Variants in PANK1 observed in about 807,000 individuals in gnomAD.
The protein encoded by PANK1 is pantothenic acid kinase 1.
In PANK1, 18 loss-of-function variants were observed where a neutral mutation model predicts 40.1. The observed-to-expected ratio is 0.45, with a 90% CI of 0.31 to 0.67. The LOEUF is 0.67. PANK1 is among the 30% of genes least tolerant of loss of function. PANK1 has a pLI of 0.06. For synonymous variants in PANK1, 242 were observed against 237.7 expected, an observed-to-expected ratio of 1.02 and a Z score of -0.17; for missense variants, 457 against 599.6, an observed-to-expected ratio of 0.76 and a Z score of 2.48.
At chr10:89,623,058 A>G (rs533745528) in intron 1 of PANK1, among the ~76,000 whole-genome samples, 10 of 152,170 alleles carry the variant, frequency 6.6e-5, no homozygotes, top group Non-Finnish European at 1.3e-4. Context: ...ATTAAATGGT[A>G]CATTTCAGGC....
At chr10:89,615,805 A>G (rs1845299202) in intron 1 of PANK1, among the ~76,000 whole-genome samples, 2 of 152,218 alleles carry the variant, frequency 1.3e-5, no homozygotes, top group Admixed American at 1.3e-4. Context: ...TTAAATGTAC[A>G]ATTTTATTCA....
At chr10:89,606,164 C>T (rs1292333467) in intron 2 of PANK1, among the ~76,000 whole-genome samples, 1 of 152,130 alleles carries the variant, frequency 6.6e-6, no homozygotes, top group African/African-American at 2.4e-5. Context: ...TTCTTAAGGG[C>T]CACACGATTT....
At chr10:89,606,731 C>T (rs1295076490) in intron 2 of PANK1, among the ~76,000 whole-genome samples, 1 of 152,122 alleles carries the variant, frequency 6.6e-6, no homozygotes, top group Non-Finnish European at 1.5e-5. Context: ...ACCATGTTGC[C>T]CAGGTGGGTC....
intron 1 of PANK1, among the ~76,000 whole-genome samples, chr10:89,629,290 T>C (rs752230845): frequency 7.9e-5 from 12 of 152,200 alleles, no homozygotes; most frequent in Non-Finnish European, 1.3e-4. Context: ...CCTGAGGTTA[T>C]AGGCATTGTA....
At chr10:89,637,463 C>CA (rs2133031877) in intron 1 of PANK1, among the ~76,000 whole-genome samples, 1 of 152,310 alleles carries the variant, frequency 6.6e-6, no homozygotes, top group South Asian at 2.1e-4. Flanking sequence ...TAAACCTGTA[C>CA]AGCATGTTAC....
chr10:89,643,961 C>A (rs913199017), intron 1 of PANK1: 1 of 954,268 alleles, frequency 1.0e-6, no homozygotes, highest in Non-Finnish European at 1.4e-6. Context: ...AAAAAATCCA[C>A]CTCCAATCCT....
chr10:89,618,936 GTTAT>G (rs1845399339), intron 1 of PANK1, among the ~76,000 whole-genome samples: 2 of 152,180 alleles, frequency 1.3e-5, no homozygotes, highest in Admixed American at 6.5e-5. Flanking sequence ...AGATTTGAGG[GTTAT>G]TTGTTACTAC....
intron 1 of PANK1, among the ~76,000 whole-genome samples, chr10:89,613,131 G>A (rs1845211895): frequency 6.6e-6 from 1 of 152,188 alleles, no homozygotes; most frequent in Admixed American, 6.5e-5. Flanking sequence ...AGACAGCCTG[G>A]AAAGTTAATG....
At chr10:89,594,746 G>T (rs896268455) in intron 3 of PANK1, among the ~76,000 whole-genome samples, 1 of 152,194 alleles carries the variant, frequency 6.6e-6, no homozygotes, top group African/African-American at 2.4e-5. Flanking sequence ...TAGAGGGAAA[G>T]TTCCTCTAAA....
chr10:89,592,249 T>C (rs1844416533), intron 5 of PANK1, among the ~76,000 whole-genome samples: 1 of 152,172 alleles, frequency 6.6e-6, no homozygotes, highest in African/African-American at 2.4e-5. Context: ...ATGTTTTTTG[T>C]CAACCCAGAA....
intron 2 of PANK1, among the ~76,000 whole-genome samples, chr10:89,604,287 T>G (rs1473937191): frequency 6.6e-6 from 1 of 152,126 alleles, no homozygotes; most frequent in East Asian, 1.9e-4. Context: ...CTCACAAGTG[T>G]CTACATGCAT....
intron 1 of PANK1, among the ~76,000 whole-genome samples, chr10:89,642,608 C>T (rs1842000033): frequency 6.6e-6 from 1 of 152,136 alleles, no homozygotes; most frequent in Admixed American, 6.5e-5. Context: ...CTTAGAGTAC[C>T]TAATTCCTCT....
chr10:89,595,899 T>TAC (rs1213051641), intron 3 of PANK1, among the ~76,000 whole-genome samples: 1 of 138,934 alleles, frequency 7.2e-6, no homozygotes, highest in Non-Finnish European at 1.5e-5. Context: ...TATATATATG[T>TAC]ACACACACAC....
At chr10:89,587,180 C>T (rs1844221296) in intron 6 of PANK1, among the ~76,000 whole-genome samples, 1 of 152,058 alleles carries the variant, frequency 6.6e-6, no homozygotes, top group South Asian at 2.1e-4. Context: ...TCTCCATTTC[C>T]TTTGTAAAGA....
chr10:89,609,758 C>G (rs1202555395), intron 2 of PANK1, among the ~76,000 whole-genome samples: 1 of 152,190 alleles, frequency 6.6e-6, no homozygotes, highest in Admixed American at 6.5e-5. Flanking sequence ...AAAAGCCTGT[C>G]CAAAGGAGGA....
chr10:89,587,486 A>G (rs1029162832), intron 6 of PANK1, among the ~76,000 whole-genome samples: 1 of 152,230 alleles, frequency 6.6e-6, no homozygotes, highest in South Asian at 2.1e-4. Flanking sequence ...GGTGGATGCC[A>G]CAACGTGAAA....
chr10:89,640,500 C>T (rs1056519014), intron 1 of PANK1, among the ~76,000 whole-genome samples: 2 of 152,112 alleles, frequency 1.3e-5, no homozygotes, highest in Admixed American at 6.5e-5. Context: ...GACAGCTGCA[C>T]TATCTAGAGA....
At position 89,593,852 on chromosome 10, in the gene PANK1, T is replaced by C. The variant is rs1844484349; in HGVS notation, c.1037A>G (p.Tyr346Cys). The change falls in exon 4 of 7, where the codon TAT (tyrosine) becomes TGT (cysteine). Residue 346 changes from tyrosine (Y) to cysteine (C), a missense_variant. By Grantham distance (194) the Tyr-to-Cys change is radical (BLOSUM62 -2). Coordinates refer to ENST00000307534, the MANE Select transcript of PANK1 (RefSeq NM_148977.3). ...AGATCCTTGAAGGCCAAATCGTTCATAGTCTCCTCCGTAAATGTCCTTCAC... is the reference window on the plus strand; with the variant it reads ...AGATCCTTGAAGGCCAAATCGTTCACAGTCTCCTCCGTAAATGTCCTTCAC... ...KLVKDIYGGD[Y>C]ERFGLQGSAV... is the part of the protein sequence containing the mutation. 1 of 1,614,008 alleles carries C rather than the reference T, an allele frequency of 6.2e-7. No homozygotes were observed. Among genetic ancestry groups the C allele is most frequent in the Non-Finnish European group, 8.5e-7 (1 of 1,179,858 alleles).
chr10:89,620,173 T>C (rs1845436437), intron 1 of PANK1, among the ~76,000 whole-genome samples: 2 of 152,188 alleles, frequency 1.3e-5, no homozygotes, highest in Admixed American at 6.5e-5. Flanking sequence ...TTATAAAACA[T>C]GTGTGTTTGA....
Sources: gnomAD v4.1 joint callset for allele counts (sites outside exome capture counted in the v4.1 genomes callset) on GRCh38, gnomAD v4.1.1 for gene constraint, MANE v1.5 for transcripts, NCBI Gene and HGNC (gene_info 2026-07-23, HGNC 2026-07-21) for gene names.